The following C19orf25 variants were observed in gnomAD, a reference collection of about 807,000 sequenced individuals.
C19orf25 encodes the protein chromosome 19 open reading frame 25.
Under a neutral mutation model 3.1 loss-of-function variants are expected in C19orf25, and 1 was observed. The ratio of observed to expected loss-of-function variants is 0.32; its 90% CI spans 0.12 to 1.54. The LOEUF (loss-of-function observed/expected upper bound fraction) is 1.54. Among genes scored for constraint, C19orf25 ranks in the 40% most tolerant of loss-of-function variants. The pLI is 0.38. For missense variants in C19orf25, 196 were observed against 160.4 expected (o/e 1.22, Z -1.20); for synonymous variants, 91 against 74.3 (o/e 1.23, Z -1.16).
In C19orf25 at chr19:1,473,717, G is replaced by A. The variant is rs1265469683; in HGVS notation, c.*1315C>T. The A allele has an allele frequency of 6.6e-6, 1 of 152,578 alleles. No individual in the cohort carries two copies. Among genetic ancestry groups the A allele is most frequent in the East Asian group, 1.9e-4 (1 of 5,206 alleles). The allele number at this position is 152,578 out of a possible 1,614,324, so 9.5% of individuals were successfully genotyped here. A position where few individuals can be genotyped will look rare whatever the true frequency, so the allele number is the denominator to read the frequency against. On this transcript the variant is annotated 3_prime_UTR_variant, in exon 3 of 3. Transcript: ENST00000585675. Reference sequence around the variant, plus strand: ...AGGGAGCACAGCCCTGGCCCAGCTGGGGGGACAAGGAAAGCTATGACTGCA... The same window carrying A: ...AGGGAGCACAGCCCTGGCCCAGCTGAGGGGACAAGGAAAGCTATGACTGCA...
intron 2 of C19orf25, chr19:1,476,453 C>G (rs933570036): frequency 1.0e-5 from 4 of 395,206 alleles, no homozygotes; most frequent in Non-Finnish European, 1.3e-5. Flanking sequence ...CAAACCACGG[C>G]CCCAGCACCC....
intron 2 of C19orf25, chr19:1,476,191 G>A (rs960164514): frequency 2.5e-6 from 1 of 398,890 alleles, no homozygotes; most frequent in Non-Finnish European, 4.4e-6. Flanking sequence ...AGAAGCGTCA[G>A]GGGCCCCTCG....
At chr19:1,478,654 C>T (rs1281656133) in intron 2 of C19orf25, 120 bp downstream of exon 2, 1 of 1,501,852 alleles carries the variant, frequency 6.7e-7, no homozygotes, top group Non-Finnish European at 8.9e-7. Context: ...GGATACGGAC[C>T]GTGCCCATGT....
intron 2 of C19orf25, among the ~76,000 whole-genome samples, chr19:1,476,909 C>T (rs1435151164): frequency 6.6e-6 from 1 of 151,848 alleles, no homozygotes; most frequent in Admixed American, 6.6e-5. Context: ...AGCCACTGCA[C>T]CTGGCCCCAG....
At position 1,474,220 on chromosome 19, in the gene C19orf25, G is replaced by A. The variant is rs982168885; in HGVS notation, c.*812C>T. On this transcript the variant is annotated 3_prime_UTR_variant, in exon 3 of 3. Transcript: ENST00000585675. ...CAGGGCCCAGCCTCTGGGCCGCCTT[G>A]CCCAGGTTTCCACTCAAGTTGCTAT... 2.2e-4 allele frequency: 33 copies of A among 152,352 alleles called. No homozygotes were observed. Among genetic ancestry groups the A allele is most frequent in the African/African-American group, 7.5e-4 (31 of 41,566 alleles). 9.4% of individuals were successfully genotyped at this position (152,352 alleles called of 1,614,324 possible).
chr19:1,478,851 G>A lies in C19orf25; in HGVS notation c.53C>T (p.Pro18Leu), dbSNP rs753472578. The A allele has an allele frequency of 6.3e-7, 1 of 1,595,312 alleles. No homozygotes were observed. ...ATCCTCCAGGATCTGCTCCACCGTGGGGGGCGCTGGGCGGGTGGGCAGCAG... is the reference window on the plus strand; with the variant it reads ...ATCCTCCAGGATCTGCTCCACCGTGAGGGGCGCTGGGCGGGTGGGCAGCAG... Reference protein sequence around the residue: ...RVLLPTRPAPPTVEQILEDVR... With the variant: ...RVLLPTRPAPLTVEQILEDVR... Residue 18 changes from proline to leucine, a missense_variant, in exon 2 of 3, where the codon CCC (proline) becomes CTC (leucine). Pro to Leu is a moderately conservative substitution (Grantham distance 98). Transcript: ENST00000585675.
chr19:1,478,994 C>T (rs1187639308), intron 1 of C19orf25, 89 bp from the exon 2 acceptor site: 33 of 1,432,300 alleles, frequency 2.3e-5, no homozygotes, highest in Non-Finnish European at 2.9e-5. Context: ...CTCGTACGCA[C>T]CCGTCGCGGT....
rs2084169273 is a variant in C19orf25 at position 1,473,426 on chromosome 19, G to A, written c.*1606C>T. 6.6e-6 allele frequency: 1 copy of A among 152,294 alleles called. No individual in the cohort carries two copies. 9.4% of individuals were successfully genotyped at this position (152,294 alleles called of 1,614,324 possible). On this transcript the variant is annotated 3_prime_UTR_variant, in exon 3 of 3. Transcript: ENST00000585675. ...CAGATGGGCCGGGGAGGCACTGGCT[G>A]AGGCCAGGAGTCTCCCCCTGGTCCC... is the stretch of plus-strand genomic sequence containing the variant.
intron 2 of C19orf25, among the ~76,000 whole-genome samples, chr19:1,477,508 G>A (rs1301964309): frequency 1.3e-5 from 2 of 152,222 alleles, no homozygotes; most frequent in Non-Finnish European, 2.9e-5. Context: ...TTTGGTCTCT[G>A]ACTAGCTTCC....
rs1178027290 is a variant in C19orf25 at position 1,474,825 on chromosome 19, C to G, written c.*207G>C. The G allele has an allele frequency of 1.4e-6, 2 of 1,453,112 alleles. No individual in the cohort carries two copies. Among genetic ancestry groups the G allele is most frequent in the Admixed American group, 2.6e-5 (1 of 38,882 alleles). The allele number at this position is 1,453,112 out of a possible 1,614,324, so 90.0% of individuals were successfully genotyped here. On this transcript the variant is annotated 3_prime_UTR_variant, in exon 3 of 3. Transcript: ENST00000585675. ...ACCCCAGTGGGGCCCTCAGGTCACG[C>G]AGGACGGAGCCAGCTGGGTGGGTCC...
chr19:1,476,906 G>C (rs963201733), intron 2 of C19orf25, among the ~76,000 whole-genome samples: 33 of 151,668 alleles, frequency 2.2e-4, no homozygotes, highest in African/African-American at 7.3e-4. Context: ...ATGAGCCACT[G>C]CACCTGGCCC....
In C19orf25 at chr19:1,474,525, G is replaced by A. The variant is rs560084812; in HGVS notation, c.*507C>T. On this transcript the variant is annotated 3_prime_UTR_variant, in exon 3 of 3. Transcript: ENST00000585675. ...GCCCAGGGTCGTTGTGAAGATCAAC[G>A]TGGCTTGTGGGAGGAGCCCGGGGCC... 7.2e-5 allele frequency: 23 copies of A among 318,658 alleles called. No homozygotes were observed. The East Asian group carries it at 8.9e-4, about 12-fold the overall frequency. The allele number at this position is 318,658 out of a possible 1,614,324, so 19.7% of individuals were successfully genotyped here. A position where few individuals can be genotyped will look rare whatever the true frequency, so the allele number is the denominator to read the frequency against.
rs2084166182 is a variant in C19orf25, at chr19:1,473,224, A to C, written c.*1808T>G. 1 of 152,296 alleles carries C rather than the reference A, an allele frequency of 6.6e-6. No individual in the cohort carries two copies. The highest frequency in any genetic ancestry group is 1.5e-5 in the Non-Finnish European group (1 of 68,062). The allele number at this position is 152,296 out of a possible 1,614,324, so 9.4% of individuals were successfully genotyped here. The stretch of plus-strand genomic sequence containing the variant: ...GCTGTCCGACTCGCACACATTTAAT[A>C]AACTGAGCTCTTGCATTGCCTGCCG... On this transcript the variant is annotated 3_prime_UTR_variant, in exon 3 of 3. Coordinates refer to ENST00000585675, the MANE Select transcript of C19orf25 (RefSeq NM_152482.3).
intron 2 of C19orf25, chr19:1,475,688 CAAAAAT>C (rs1352058795): frequency 5.6e-6 from 1 of 179,490 alleles, no homozygotes; most frequent in Non-Finnish European, 1.2e-5. Flanking sequence ...GACCCTGTCT[CAAAAAT>C]AAATAAAAAC....
rs746465168 is a variant in C19orf25 at position 1,479,185 on chromosome 19, C to G, written c.-25G>C. ...CACCTGGGCGCGGGACCCGAAAGCC[C>G]AGCGTCGACGACGCAGCCACTTCCG... On this transcript the variant is annotated 5_prime_UTR_variant, in exon 1 of 3. Coordinates refer to ENST00000585675, the MANE Select transcript of C19orf25 (RefSeq NM_152482.3). 1.2e-5 allele frequency: 15 copies of G among 1,274,878 alleles called. No individual in the cohort carries two copies. Among genetic ancestry groups the G allele is most frequent in the Non-Finnish European group, 1.5e-5 (15 of 1,011,480 alleles). 79.0% of individuals were successfully genotyped at this position (1,274,878 alleles called of 1,614,324 possible).
intron 2 of C19orf25, chr19:1,476,392 G>T: frequency 2.5e-6 from 1 of 397,798 alleles, no homozygotes. Flanking sequence ...CCCGCACAGC[G>T]TGCCTCAGTT....
intron 2 of C19orf25, among the ~76,000 whole-genome samples, chr19:1,477,085 C>G (rs1238587800): frequency 6.6e-6 from 1 of 151,734 alleles, no homozygotes; most frequent in Admixed American, 6.6e-5. Flanking sequence ...CTGCAACCTC[C>G]GCCTCCTGGG....
At chr19:1,478,124 G>A (rs1052366771) in intron 2 of C19orf25, among the ~76,000 whole-genome samples, 1 of 152,068 alleles carries the variant, frequency 6.6e-6, no homozygotes, top group African/African-American at 2.4e-5. Context: ...ATAGGCGTGA[G>A]CCACCGCACC....
At chr19:1,476,786 TG>T (rs1328042638) in intron 2 of C19orf25, among the ~76,000 whole-genome samples, 1 of 151,858 alleles carries the variant, frequency 6.6e-6, no homozygotes, top group African/African-American at 2.4e-5. Context: ...CCAGCTAGTT[TG>T]TGTATTTTTG....
Sources: gnomAD v4.1 joint callset for allele counts (sites outside exome capture counted in the v4.1 genomes callset) on GRCh38, gnomAD v4.1.1 for gene constraint, MANE v1.5 for transcripts, NCBI Gene and HGNC (gene_info 2026-07-23, HGNC 2026-07-21) for gene names.